The following COPB2 variants were observed in gnomAD, a reference collection of about 807,000 sequenced individuals.
COPB2 encodes coatomer subunit beta'.
COPB2 carries 16 observed loss-of-function variants against 120.8 expected under a neutral mutation model. That is an observed-to-expected ratio of 0.13 (90% CI 0.09 to 0.20). The LOEUF (loss-of-function observed/expected upper bound fraction) is 0.20. COPB2 is among the 10% of genes least tolerant of loss of function. COPB2 has a pLI of 1.00. For synonymous variants in COPB2, 332 were observed against 366.3 expected (o/e 0.91, Z 1.07); for missense variants, 794 against 1,076.5 (o/e 0.74, Z 3.67).
At chr3:139,368,421 G>T in intron 12 of COPB2, 133 bp from the exon 13 acceptor site, 1 of 944,606 alleles carries the variant, frequency 1.1e-6, no homozygotes, top group Non-Finnish European at 1.5e-6. Context: ...AATTTTATGT[G>T]GCATTATTTG....
intron 2 of COPB2, chr3:139,379,807 C>T (rs746653850): frequency 3.2e-5 from 8 of 246,670 alleles, no homozygotes; most frequent in Non-Finnish European, 5.5e-5. Flanking sequence ...AAAATCCACC[C>T]ATGGAAACTT....
rs1941768411 is a variant in COPB2 at position 139,379,369 on chromosome 3, T to G, written c.228+11A>C. ...AGAAAATGGGAATAGAGATTCATAT[T>G]AATTACTTACCGCTCCTGTCACAAC... On this transcript the variant is annotated intron_variant, in intron 3 of 21. Transcript: ENST00000333188. The G allele has an allele frequency of 6.2e-7, 1 of 1,611,744 alleles. No homozygotes were observed.
At position 139,373,348 on chromosome 3, in the gene COPB2, G is replaced by A; in HGVS notation, c.959C>T (p.Ser320Leu). 1 of 1,614,122 alleles carries A rather than the reference G, an allele frequency of 6.2e-7. No individual in the cohort carries two copies. Among genetic ancestry groups the A allele is most frequent in the Non-Finnish European group, 8.5e-7 (1 of 1,180,026 alleles). Reference sequence around the variant, plus strand: ...TTTTAGGTTGGCCTGCTGGACTTCTGAATGCTTGGCCCAAATTATCTTTCC... The same window carrying A: ...TTTTAGGTTGGCCTGCTGGACTTCTAAATGCTTGGCCCAAATTATCTTTCC... ...ANGKIIWAKHSEVQQANLKAM... is the reference protein window; with the variant it reads ...ANGKIIWAKHLEVQQANLKAM... The change falls in exon 9 of 22, where the codon TCA becomes TTA. Residue 320 changes from serine (S) to leucine (L), a missense_variant. Around this residue, in one of 3 missense-constraint regions of COPB2, gnomAD observed 610 missense variants for 866.7 expected, o/e 0.70. Transcript: ENST00000333188.
rs1409342661 is a variant in COPB2, at chr3:139,375,570, TC to T, written c.548del (p.Gly183AspfsTer6). The T allele has an allele frequency of 6.2e-7, 1 of 1,613,990 alleles. No homozygotes were observed. Among genetic ancestry groups the T allele is most frequent in the Non-Finnish European group, 8.5e-7 (1 of 1,179,974 alleles). Reference protein sequence around the residue: ...GSSSPNFTLEGHEKGVNCIDY... With the variant: ...GSSSPNFTLEXHEKGVNCIDY... ...CAATGCAATTCACGCCTTTCTCATG[TC>T]CTTCCAAAGTGAAGTTTGGTGACGA... On this transcript the variant is annotated frameshift_variant, in exon 6 of 22. Coordinates refer to ENST00000333188, the MANE Select transcript of COPB2 (RefSeq NM_004766.3). LOFTEE classifies it high-confidence loss of function.
At chr3:139,375,403 C>A in intron 6 of COPB2, 65 bp downstream of exon 6, 1 of 1,511,088 alleles carries the variant, frequency 6.6e-7, no homozygotes, top group African/African-American at 1.4e-5. Flanking sequence ...CAAGTCTTAA[C>A]TGTCCTATAA....
At chr3:139,363,380 A>T (rs1158630984) in intron 15 of COPB2, among the ~76,000 whole-genome samples, 1 of 152,138 alleles carries the variant, frequency 6.6e-6, no homozygotes, top group Non-Finnish European at 1.5e-5. Flanking sequence ...TGAACTGTAC[A>T]TGTGATGGAT....
intron 2 of COPB2, 90 bp from the exon 3 acceptor site, chr3:139,379,556 G>A: frequency 9.7e-7 from 1 of 1,034,020 alleles, no homozygotes; most frequent in South Asian, 1.5e-5. Flanking sequence ...CAATTTTTAA[G>A]ATCACTTCTC....
At chr3:139,373,556 T>A (rs1024122416) in intron 8 of COPB2, 110 bp downstream of exon 8, 1 of 1,533,742 alleles carries the variant, frequency 6.5e-7, no homozygotes, top group Non-Finnish European at 8.9e-7. Flanking sequence ...TAGTGCTTAA[T>A]GAAAGAAGTG....
rs1480772914 is a variant in COPB2, at chr3:139,389,594, T to C, written c.-44A>G. 4 of 1,555,204 alleles carry C rather than the reference T, an allele frequency of 2.6e-6. No homozygotes were observed. Among genetic ancestry groups the C allele is most frequent in the Non-Finnish European group, 3.5e-6 (4 of 1,138,110 alleles). The stretch of plus-strand genomic sequence containing the variant: ...CCGGGAACCCTCGTTTGTTACCGGC[T>C]ACTCAGGCCTTGAGATAAACCCACC... On this transcript the variant is annotated 5_prime_UTR_variant, in exon 1 of 22. Transcript: ENST00000333188.
intron 4 of COPB2, among the ~76,000 whole-genome samples, 186 bp downstream of exon 4, chr3:139,378,856 TAAGTA>T (rs1328071437): frequency 1.3e-5 from 2 of 152,222 alleles, no homozygotes; most frequent in Admixed American, 6.5e-5. Flanking sequence ...ACACAAATCC[TAAGTA>T]CAGTTGATAT....
rs1291137345 is a variant in COPB2, at chr3:139,377,458, T to A, written c.504+583A>T. 2.0e-5 allele frequency among the ~76,000 whole-genome samples: 3 copies of A among 152,206 alleles called. No homozygotes were observed. The East Asian group carries it at 5.8e-4, about 29-fold the overall frequency. On this transcript the variant is annotated intron_variant, in intron 5 of 21. Coordinates refer to ENST00000333188, the MANE Select transcript of COPB2 (RefSeq NM_004766.3). ...AGGAAGATGGAACAGTTCAATGAAG[T>A]AAGGTTTTGTGAACATTCATAGCCT...
chr3:139,386,158 C>T (rs1941915848), intron 1 of COPB2, among the ~76,000 whole-genome samples: 1 of 152,158 alleles, frequency 6.6e-6, no homozygotes, highest in Admixed American at 6.5e-5. Context: ...ACAACCTTTA[C>T]CTCTTACTTT....
chr3:139,379,048 A>G lies in COPB2; in HGVS notation c.354T>C (p.Ser118=), dbSNP rs1941763638. 1 of 1,587,194 alleles carries G rather than the reference A, an allele frequency of 6.3e-7. No homozygotes were observed. Among genetic ancestry groups the G allele is most frequent in the South Asian group, 1.2e-5 (1 of 85,556 alleles). ...HPTQPFILTS[S]DDMLIKLWDW... is the part of the protein sequence containing the mutation. ...TGACCAAAAAAGGTCATCTCTTACC[A>G]CTGCTAGTTAGAATGAAAGGCTGGG... The change falls in exon 4 of 22, where the codon AGT becomes AGC. Residue 118 remains serine, a splice_region_variant and synonymous_variant. Coordinates refer to ENST00000333188, the MANE Select transcript of COPB2 (RefSeq NM_004766.3).
chr3:139,371,045 A>T (rs1019520192), intron 10 of COPB2, among the ~76,000 whole-genome samples: 1 of 152,212 alleles, frequency 6.6e-6, no homozygotes. Flanking sequence ...AAAACTAAAA[A>T]AACTGTGAAA....
chr3:139,373,642 T>A (rs564327554), intron 8 of COPB2, 24 bp downstream of exon 8: 4 of 1,613,614 alleles, frequency 2.5e-6, no homozygotes, highest in South Asian at 1.1e-5. Flanking sequence ...TATGTCCACC[T>A]ACTGAGAGGG....
chr3:139,383,471 C>T (rs1941852249), intron 1 of COPB2, 36 bp from the exon 2 acceptor site: 13 of 1,488,948 alleles, frequency 8.7e-6, no homozygotes, highest in Non-Finnish European at 1.2e-5. Flanking sequence ...AATTGCTAAG[C>T]CAAATAAAAT....
rs149430860 is a variant in COPB2 at position 139,374,954 on chromosome 3, G to C, written c.652-366C>G. 5.4e-3 allele frequency among the ~76,000 whole-genome samples: 825 copies of C among 152,076 alleles called. 11 individuals carry two copies. The highest frequency in any genetic ancestry group is 0.019 in the African/African-American group (793 of 41,482). On this transcript the variant is annotated intron_variant, in intron 6 of 21. Coordinates refer to ENST00000333188, the MANE Select transcript of COPB2 (RefSeq NM_004766.3). ...CTTTAGCCTTTAATATTTTTATTCTGGATTTAAGTACAAATCTGAAAATGT... is the reference window on the plus strand; with the variant it reads ...CTTTAGCCTTTAATATTTTTATTCTCGATTTAAGTACAAATCTGAAAATGT...
At chr3:139,374,153 C>G (rs1298366694) in intron 7 of COPB2, 25 of 409,262 alleles carry the variant, frequency 6.1e-5, no homozygotes, top group Non-Finnish European at 7.0e-5. Flanking sequence ...CATAATTTGC[C>G]CAAACACACA....
Position 139,373,649 on chromosome 3 carries a change from AG to A in COPB2, c.894+16del, listed in dbSNP as rs1941663246. ...GTTTTGCCTATGTCCACCTACTGAG[AG>A]GGATAGTATAATTACCTTAACAATG... On this transcript the variant is annotated intron_variant, in intron 8 of 21. Coordinates refer to ENST00000333188, the MANE Select transcript of COPB2 (RefSeq NM_004766.3). 1 of 1,613,826 alleles carries A rather than the reference AG, an allele frequency of 6.2e-7. No homozygotes were observed. Among genetic ancestry groups the A allele is most frequent in the Admixed American group, 1.7e-5 (1 of 59,982 alleles).
Sources: gnomAD v4.1 joint callset for allele counts (sites outside exome capture counted in the v4.1 genomes callset) on GRCh38, gnomAD v4.1.1 for gene constraint, gnomAD v4.1.1 regional missense constraint, MANE v1.5 for transcripts, NCBI Gene and HGNC (gene_info 2026-07-23, HGNC 2026-07-21) for gene names.